NCOR2: variants seen among roughly 807,000 people sequenced by gnomAD.
NCOR2 encodes nuclear receptor corepressor 2.
A neutral mutation model predicts 262.9 loss-of-function variants in NCOR2; 81 were observed. The observed-to-expected ratio is 0.31, with a 90% confidence interval of 0.26 to 0.37. The LOEUF (loss-of-function observed/expected upper bound fraction) is 0.37, where lower values mean the gene tolerates loss of function less well. Ranked by LOEUF, NCOR2 falls within the 10% of genes least tolerant of loss-of-function variation. The probability of loss-of-function intolerance (pLI) is 1.00; values close to 1 mark genes in which losing one functional copy is unlikely to be tolerated. For missense variants in NCOR2, 3,385 were observed against 3,621.4 expected, an observed-to-expected ratio of 0.93 and a Z score of 1.68; for synonymous variants, 1,659 against 1,559.3, an observed-to-expected ratio of 1.06 and a Z score of -1.51.
chr12:124,328,050 G>C lies in NCOR2; in HGVS notation c.6959-417C>G, dbSNP rs115416514. On this transcript the variant is annotated intron_variant, in intron 44 of 46. Transcript: ENST00000405201. Reference sequence around the variant, plus strand: ...TTTTAAATCTCAAGTGGCCTTAATGGAGAGGGTGGGAGATGGGAGGGCTAC... The same window carrying C: ...TTTTAAATCTCAAGTGGCCTTAATGCAGAGGGTGGGAGATGGGAGGGCTAC... 9.3e-3 allele frequency among the ~76,000 whole-genome samples: 1,409 copies of C among 152,098 alleles called. 19 individuals carry two copies. The highest frequency in any genetic ancestry group is 0.032 in the African/African-American group (1,332 of 41,464).
At chr12:124,394,638 T>C (rs1391249315) in intron 16 of NCOR2, among the ~76,000 whole-genome samples, 2 of 152,154 alleles carry the variant, frequency 1.3e-5, no homozygotes, top group Non-Finnish European at 2.9e-5. Flanking sequence ...TGGAGGGATG[T>C]GGTCATGAGC....
intron 38 of NCOR2, 73 bp downstream of exon 40, chr12:124,336,680 G>A (rs909993320): frequency 5.1e-6 from 8 of 1,555,058 alleles, no homozygotes; most frequent in East Asian, 2.4e-5. Flanking sequence ...TCCTTCTCGC[G>A]CCCCTTTATC....
chr12:124,432,386 G>C lies in NCOR2; in HGVS notation c.883-1599C>G, dbSNP rs984959965. Among the ~76,000 whole-genome samples the C allele has an allele frequency of 3.9e-5, 6 of 152,186 alleles. No individual in the cohort carries two copies. Among genetic ancestry groups the C allele is most frequent in the African/African-American group, 1.4e-4 (6 of 41,448 alleles). On this transcript the variant is annotated intron_variant, in intron 8 of 46. Coordinates refer to ENST00000405201, the Ensembl canonical transcript of NCOR2. This position sits in a 1 kb window ranked among gnomAD's most constrained non-coding sequence, Gnocchi z 5.1. ...CCACCCAGACCTGGCCTCCTCTGCA[G>C]AGGCCTGGTCCCAAATGGAAGCCAC...
chr12:124,382,676 C>T (rs1462461181), intron 17 of NCOR2, among the ~76,000 whole-genome samples: 1 of 152,232 alleles, frequency 6.6e-6, no homozygotes, highest in Non-Finnish European at 1.5e-5. Flanking sequence ...GCTCCACAGC[C>T]CAGCAGGAAA....
At chr12:124,479,241 T>C (rs964274521) in intron 3 of NCOR2, among the ~76,000 whole-genome samples, 9 of 151,782 alleles carry the variant, frequency 5.9e-5, no homozygotes, top group Admixed American at 3.9e-4. Flanking sequence ...CACGTGCACA[T>C]GCACACACAC....
At chr12:124,564,165 C>T (rs1185862323) in intron 1 of NCOR2, among the ~76,000 whole-genome samples, 1 of 152,226 alleles carries the variant, frequency 6.6e-6, no homozygotes, top group Non-Finnish European at 1.5e-5. Flanking sequence ...GCTGAGAGTT[C>T]GCCGGATGGG....
At chr12:124,479,555 ACG>A (rs944037487) in intron 3 of NCOR2, among the ~76,000 whole-genome samples, 33 of 151,376 alleles carry the variant, frequency 2.2e-4, no homozygotes, top group African/African-American at 7.3e-4. Context: ...CCACACACAA[ACG>A]CGCACACACA....
intron 1 of NCOR2, among the ~76,000 whole-genome samples, chr12:124,501,062 G>GCGCGCACA (rs1555232719): frequency 6.8e-6 from 1 of 147,918 alleles, no homozygotes; most frequent in African/African-American, 2.5e-5. Flanking sequence ...GCGCACGCGC[G>GCGCGCACA]CACACACACA....
Position 124,330,836 on chromosome 12 carries a change from A to G in NCOR2, c.6958+9T>C, listed in dbSNP as rs374625705. ...AGGGCAGCCATATAGCAAGGGCTGG[A>G]TGGGTTACCTGTTCCGGTGATGGCG... On this transcript the variant is annotated intron_variant, in intron 44 of 46. Coordinates refer to ENST00000405201, the Ensembl canonical transcript of NCOR2. 3.5e-5 allele frequency: 55 copies of G among 1,572,352 alleles called. No homozygotes were observed. Among genetic ancestry groups the G allele is most frequent in the Non-Finnish European group, 4.7e-5 (55 of 1,158,140 alleles).
At chr12:124,546,912 T>A (rs931502862) in intron 1 of NCOR2, among the ~76,000 whole-genome samples, 1 of 152,182 alleles carries the variant, frequency 6.6e-6, no homozygotes, top group Non-Finnish European at 1.5e-5. Context: ...GTAGCCCTTA[T>A]CTGACTGAAC....
intron 18 of NCOR2, among the ~76,000 whole-genome samples, chr12:124,375,177 C>G (rs760165090): frequency 1.3e-5 from 2 of 152,224 alleles, no homozygotes; most frequent in Non-Finnish European, 2.9e-5. Flanking sequence ...TTCCTGTGTC[C>G]TTAACCCCTG....
chr12:124,392,368 G>T (rs1378943978), intron 16 of NCOR2, among the ~76,000 whole-genome samples: 1 of 152,096 alleles, frequency 6.6e-6, no homozygotes, highest in African/African-American at 2.4e-5. Flanking sequence ...ATCCGGCCGG[G>T]AGGCCAACCA....
Position 124,393,923 on chromosome 12 carries a change from G to A in NCOR2, c.1876+4196C>T, listed in dbSNP as rs796352577. Among the ~76,000 whole-genome samples the A allele has an allele frequency of 9.2e-5, 14 of 152,342 alleles. 1 individual carries two copies. Among genetic ancestry groups the A allele is most frequent in the African/African-American group, 3.1e-4 (13 of 41,582 alleles). On this transcript the variant is annotated intron_variant, in intron 16 of 46. Transcript: ENST00000405201. ...ACTATTATTTCGTGCTCTGGGTGTC[G>A]GCCCCTTCCTCGGGGTAGCCCTCTG...
upstream of NCOR2, among the ~76,000 whole-genome samples, chr12:124,536,275 A>AC (rs2051112008): frequency 6.6e-6 from 1 of 152,054 alleles, no homozygotes; most frequent in Admixed American, 6.6e-5. Context: ...ACAGGGTCTC[A>AC]CCATGTTGCC....
At chr12:124,462,540 C>G (rs1333189119) in intron 5 of NCOR2, among the ~76,000 whole-genome samples, 2 of 152,218 alleles carry the variant, frequency 1.3e-5, no homozygotes, top group African/African-American at 2.4e-5. Flanking sequence ...GCAGCAGCCT[C>G]GCGGGGCTGA....
chr12:124,554,158 G>A (rs530963734), intron 1 of NCOR2, among the ~76,000 whole-genome samples: 14 of 152,366 alleles, frequency 9.2e-5, no homozygotes, highest in Middle Eastern at 3.4e-3. Context: ...CCGAGGGCAC[G>A]ACAAAACGCC....
chr12:124,398,301 G>T, intron 15 of NCOR2, 120 bp from the exon 18 acceptor site: 1 of 1,065,136 alleles, frequency 9.4e-7, no homozygotes. Flanking sequence ...GTCACCGCAC[G>T]GCTCTGAACC....
chr12:124,355,138 C>T (rs569392586), intron 24 of NCOR2, 199 bp from the exon 27 acceptor site: 14 of 616,302 alleles, frequency 2.3e-5, no homozygotes, highest in South Asian at 6.0e-5. Flanking sequence ...CCTCTGAGCC[C>T]CTTGCATTTG....
chr12:124,520,267 T>G (rs1405833837), intron 1 of NCOR2, among the ~76,000 whole-genome samples: 1 of 152,184 alleles, frequency 6.6e-6, no homozygotes, highest in African/African-American at 2.4e-5. Flanking sequence ...CACGGGCATA[T>G]TTTTAGCCCA....
Sources: gnomAD v4.1 joint callset for allele counts (sites outside exome capture counted in the v4.1 genomes callset) on GRCh38, gnomAD v4.1.1 for gene constraint, Gnocchi (gnomAD v3.1) non-coding constraint, MANE v1.5 for transcripts, NCBI Gene and HGNC (gene_info 2026-07-23, HGNC 2026-07-21) for gene names.